The following PRKG1 variants were observed in gnomAD, a reference collection of about 807,000 sequenced individuals.
PRKG1 encodes the protein cGMP-dependent protein kinase 1.
A neutral mutation model predicts 88.1 loss-of-function variants in PRKG1; 35 were observed. The ratio of observed to expected loss-of-function variants is 0.40; its 90% CI spans 0.30 to 0.53. The LOEUF (loss-of-function observed/expected upper bound fraction) is 0.53, where lower values mean the gene tolerates loss of function less well. Among genes scored for constraint, PRKG1 ranks in the 20% least tolerant of loss-of-function variants. The pLI, the probability that PRKG1 is intolerant of heterozygous loss-of-function variation, is 0.59. For synonymous variants in PRKG1, 303 were observed against 292.5 expected (o/e 1.04, Z -0.37); for missense variants, 540 against 839.8 (o/e 0.64, Z 4.41).
At chr10:51,179,891 T>C (rs1864220773) in intron 2 of PRKG1, among the ~76,000 whole-genome samples, 1 of 152,140 alleles carries the variant, frequency 6.6e-6, no homozygotes, top group Non-Finnish European at 1.5e-5. Context: ...ATAATCATAG[T>C]CCCTACTTTG....
chr10:51,138,160 A>G (rs577812431), intron 1 of PRKG1, among the ~76,000 whole-genome samples: 17 of 152,370 alleles, frequency 1.1e-4, no homozygotes, highest in Non-Finnish European at 2.4e-4. Context: ...ATAAGGAATA[A>G]ATAATAAACA....
chr10:51,347,320 T>A (rs1217025452), intron 2 of PRKG1, among the ~76,000 whole-genome samples: 1 of 152,170 alleles, frequency 6.6e-6, no homozygotes, highest in Non-Finnish European at 1.5e-5. Context: ...TGAATACAAT[T>A]AGCATTCTTT....
At chr10:51,273,618 C>T (rs900476136) in intron 2 of PRKG1, among the ~76,000 whole-genome samples, 2 of 152,186 alleles carry the variant, frequency 1.3e-5, no homozygotes, top group Non-Finnish European at 2.9e-5. Context: ...CCAGCTCAGT[C>T]AAATGTAACT....
intron 9 of PRKG1, among the ~76,000 whole-genome samples, chr10:52,196,179 AT>A (rs1270321154): frequency 2.6e-5 from 4 of 151,632 alleles, no homozygotes; most frequent in South Asian, 2.1e-4. Context: ...CGCCTGGCTA[AT>A]TTTTTTTGGT....
intron 5 of PRKG1, among the ~76,000 whole-genome samples, chr10:51,918,370 CT>C (rs951997831): frequency 3.4e-4 from 51 of 149,526 alleles, no homozygotes; most frequent in Admixed American, 8.7e-4. Context: ...GAGTAATTAG[CT>C]TTTTCTCAGT....
intron 1 of PRKG1, 28 bp from the exon 2 acceptor site, chr10:51,153,136 C>A: frequency 6.2e-7 from 1 of 1,602,194 alleles, no homozygotes; most frequent in Admixed American, 1.7e-5. Context: ...GTCAGATGTG[C>A]CAGTAAATCT....
At chr10:52,063,592 C>T (rs556953142) in intron 7 of PRKG1, among the ~76,000 whole-genome samples, 5 of 152,280 alleles carry the variant, frequency 3.3e-5, no homozygotes, top group Admixed American at 2.0e-4. Flanking sequence ...GACCTGTGAC[C>T]GGGAAGAATG....
At chr10:51,394,597 A>G (rs564357835) in intron 2 of PRKG1, among the ~76,000 whole-genome samples, 2 of 152,236 alleles carry the variant, frequency 1.3e-5, no homozygotes, top group South Asian at 4.1e-4. Flanking sequence ...TAAGCCCACA[A>G]AGTAGATAGG....
chr10:51,175,784 A>G (rs1027987988), intron 2 of PRKG1, among the ~76,000 whole-genome samples: 2 of 152,118 alleles, frequency 1.3e-5, no homozygotes, highest in African/African-American at 4.8e-5. Flanking sequence ...CCTTAGACCT[A>G]CGGAATGAGA....
chr10:52,129,482 A>T (rs945949796), intron 7 of PRKG1, among the ~76,000 whole-genome samples: 1 of 152,184 alleles, frequency 6.6e-6, no homozygotes, highest in African/African-American at 2.4e-5. Context: ...ATTAATATAT[A>T]TGTTAATACT....
intron 2 of PRKG1, among the ~76,000 whole-genome samples, chr10:51,212,039 G>T (rs1165830202): frequency 2.0e-5 from 3 of 152,094 alleles, no homozygotes; most frequent in Non-Finnish European, 4.4e-5. Flanking sequence ...CAAAGCTGGA[G>T]GCATCACACT....
At chr10:52,072,335 A>G in intron 7 of PRKG1, among the ~76,000 whole-genome samples, 1 of 151,804 alleles carries the variant, frequency 6.6e-6, no homozygotes, top group Admixed American at 6.6e-5. Context: ...GCTGTCCAAA[A>G]CAAAACAAAA....
intron 1 of PRKG1, among the ~76,000 whole-genome samples, chr10:51,030,034 A>G (rs183975462): frequency 1.3e-5 from 2 of 152,296 alleles, no homozygotes; most frequent in East Asian, 1.9e-4. Context: ...GCAAACAACT[A>G]TTAATTGTTA....
At chr10:51,393,105 G>C (rs578175562) in intron 2 of PRKG1, among the ~76,000 whole-genome samples, 7 of 145,538 alleles carry the variant, frequency 4.8e-5, no homozygotes, top group African/African-American at 1.8e-4. Flanking sequence ...TCTCAGACGG[G>C]GCGGTTGCCG....
intron 1 of PRKG1, among the ~76,000 whole-genome samples, chr10:51,089,361 G>T (rs529738663): frequency 6.6e-6 from 1 of 152,094 alleles, no homozygotes; most frequent in Non-Finnish European, 1.5e-5. Context: ...GCCAGAACAC[G>T]TACTAAGAAA....
At chr10:51,998,641 C>T (rs1246491257) in intron 5 of PRKG1, among the ~76,000 whole-genome samples, 2 of 152,040 alleles carry the variant, frequency 1.3e-5, no homozygotes, top group African/African-American at 2.4e-5. Flanking sequence ...ATATACCAAA[C>T]TGTCACATTG....
chr10:52,293,729 A>C, intron 17 of PRKG1, 73 bp from the exon 18 acceptor site: 1 of 1,194,982 alleles, frequency 8.4e-7, no homozygotes, highest in Non-Finnish European at 1.2e-6. Flanking sequence ...TAAATACAGA[A>C]TGCACTTAAA....
intron 2 of PRKG1, among the ~76,000 whole-genome samples, chr10:51,438,935 G>A (rs1839013546): frequency 1.3e-5 from 2 of 151,332 alleles, no homozygotes; most frequent in Admixed American, 6.6e-5. Flanking sequence ...TATCCAGATT[G>A]CAGTAAAGGA....
chr10:51,155,146 T>C (rs552546265), intron 2 of PRKG1, among the ~76,000 whole-genome samples: 1 of 152,178 alleles, frequency 6.6e-6, no homozygotes, highest in South Asian at 2.1e-4. Context: ...AACCACAATT[T>C]TGAACACCTG....
Sources: allele counts gnomAD v4.1 joint callset (sites outside exome capture counted in the v4.1 genomes callset), GRCh38; gene constraint gnomAD v4.1.1; transcripts MANE v1.5; gene names NCBI Gene and HGNC (gene_info 2026-07-23, HGNC 2026-07-21).